The following ARHGAP42 variants were observed in gnomAD, a reference collection of about 807,000 sequenced individuals.
ARHGAP42 encodes rho GTPase-activating protein 42.
Under a neutral mutation model 125.0 loss-of-function variants are expected in ARHGAP42, and 63 were observed. The ratio of observed to expected loss-of-function variants is 0.50; its 90% CI spans 0.41 to 0.62. The LOEUF (loss-of-function observed/expected upper bound fraction) is 0.62. ARHGAP42 is among the 20% of genes least tolerant of loss of function. The pLI, the probability that ARHGAP42 is intolerant of heterozygous loss-of-function variation, is 0.00. For synonymous variants in ARHGAP42, 339 were observed against 351.0 expected, an observed-to-expected ratio of 0.97 and a Z score of 0.38; for missense variants, 766 against 1,024.2, an observed-to-expected ratio of 0.75 and a Z score of 3.44.
At chr11:100,916,759 A>G (rs1177037923) in intron 5 of ARHGAP42, among the ~76,000 whole-genome samples, 1 of 152,216 alleles carries the variant, frequency 6.6e-6, no homozygotes, top group Non-Finnish European at 1.5e-5. Flanking sequence ...AGATGAGCAC[A>G]AAAATTGTGT....
At chr11:100,987,256 A>G (rs1477254390) in intron 22 of ARHGAP42, among the ~76,000 whole-genome samples, 1 of 152,160 alleles carries the variant, frequency 6.6e-6, no homozygotes, top group African/African-American at 2.4e-5. Context: ...ATATTGTTAT[A>G]AGCCAGGGAT....
chr11:100,731,951 T>A (rs1861966356), intron 1 of ARHGAP42, among the ~76,000 whole-genome samples: 1 of 151,814 alleles, frequency 6.6e-6, no homozygotes, highest in African/African-American at 2.4e-5. Flanking sequence ...ACTCTTTTTT[T>A]TTTCTTTTTC....
At chr11:100,733,710 A>C (rs1044424160) in intron 1 of ARHGAP42, among the ~76,000 whole-genome samples, 2 of 150,710 alleles carry the variant, frequency 1.3e-5, no homozygotes, top group Non-Finnish European at 3.0e-5. Context: ...CTGTGATCCC[A>C]GCCTCTTGGG....
At chr11:100,819,179 T>C (rs774849431) in intron 3 of ARHGAP42, among the ~76,000 whole-genome samples, 14 of 152,174 alleles carry the variant, frequency 9.2e-5, no homozygotes, top group Non-Finnish European at 1.3e-4. Context: ...AATAAAGGTA[T>C]ACAGAACGGA....
At chr11:100,752,489 G>A (rs2088953) in intron 1 of ARHGAP42, among the ~76,000 whole-genome samples, 38,463 of 152,042 alleles carry the variant, frequency 0.25, 5,089 homozygotes, top group Non-Finnish European at 0.29. Flanking sequence ...TTAATGTGGG[G>A]CACTCCCTCT....
chr11:100,717,741 C>T (rs1456159777), intron 1 of ARHGAP42, among the ~76,000 whole-genome samples: 1 of 148,176 alleles, frequency 6.7e-6, no homozygotes, highest in Non-Finnish European at 1.5e-5. Flanking sequence ...GCCTGGCCAA[C>T]ATGGTGAAAC....
chr11:100,824,131 A>G (rs1864459109), intron 3 of ARHGAP42, among the ~76,000 whole-genome samples: 1 of 152,162 alleles, frequency 6.6e-6, no homozygotes, highest in South Asian at 2.1e-4. Flanking sequence ...ATGCACTTGC[A>G]TATCCCCCAC....
At chr11:100,755,109 G>A (rs1438800157) in intron 1 of ARHGAP42, among the ~76,000 whole-genome samples, 3 of 152,180 alleles carry the variant, frequency 2.0e-5, no homozygotes, top group Non-Finnish European at 4.4e-5. Flanking sequence ...CAGGGGGTGT[G>A]GGTGGCAGAT....
chr11:100,992,862 G>GT lies in ARHGAP42; in HGVS notation c.*4061_*4062insT. The GT allele has an allele frequency of 7.2e-6, 4 of 554,958 alleles. No homozygotes were observed. The highest frequency in any genetic ancestry group is 3.4e-5 in the African/African-American group (1 of 29,346). The allele number at this position is 554,958 out of a possible 1,614,324, so 34.4% of individuals were successfully genotyped here. A position where few individuals can be genotyped will look rare whatever the true frequency, so the allele number is the denominator to read the frequency against. ...GCATGTCCTAGACCAATGATTACAA[G>GT]GTGTCTGTGGTTTAGGGGGCCCAGC... On this transcript the variant is annotated 3_prime_UTR_variant, in exon 24 of 24. Transcript: ENST00000298815.
At position 100,976,249 on chromosome 11, in the gene ARHGAP42, G is replaced by T. The variant is rs1262076299; in HGVS notation, c.2048G>T (p.Ser683Ile). Residue 683 changes from serine (S) to isoleucine (I), a missense_variant, in exon 20 of 24, where the codon AGT (serine) becomes ATT (isoleucine). Ser to Ile is a moderately radical substitution (Grantham distance 142). Around this residue, in one of 3 missense-constraint regions of ARHGAP42, gnomAD observed 308 missense variants for 369.7 expected, o/e 0.83. Transcript: ENST00000298815. The part of the protein sequence containing the change: ...GQKSLGLWTT[S>I]PESSSREDAT... ...AAAAGCCTTGGTCTGTGGACAACTA[G>T]TCCTGAATCAAGTTCCAGAGAAGAT... 6.4e-7 allele frequency: 1 copy of T among 1,551,686 alleles called. No individual in the cohort carries two copies. The highest frequency in any genetic ancestry group is 1.2e-5 in the South Asian group (1 of 84,036).
rs114382902 is a variant in ARHGAP42 at position 100,734,595 on chromosome 11, A to G, written c.155-35748A>G. Among the ~76,000 whole-genome samples, 393 of 152,330 alleles carry G rather than the reference A, an allele frequency of 2.6e-3. 3 individuals are homozygous for G. Among genetic ancestry groups the G allele is most frequent in the African/African-American group, 9.2e-3 (381 of 41,580 alleles). ...CACGCCCAACCAGAGTCCACTTGTT[A>G]TGCTAAAGGAGAGCTCTTCTGCAGG... On this transcript the variant is annotated intron_variant, in intron 1 of 23. Transcript: ENST00000298815.
chr11:100,895,539 G>A (rs1278080353), intron 4 of ARHGAP42, among the ~76,000 whole-genome samples: 3 of 150,468 alleles, frequency 2.0e-5, no homozygotes, highest in Non-Finnish European at 4.4e-5. Flanking sequence ...GATCAAGGGA[G>A]GAGGGTCAGA....
chr11:100,969,834 T>A (rs536385553), intron 17 of ARHGAP42, among the ~76,000 whole-genome samples: 1 of 152,318 alleles, frequency 6.6e-6, no homozygotes, highest in African/African-American at 2.4e-5. Flanking sequence ...TATTATCTAC[T>A]TTTTGCCTGG....
intron 1 of ARHGAP42, among the ~76,000 whole-genome samples, chr11:100,738,241 T>G (rs1470859093): frequency 6.6e-6 from 1 of 152,212 alleles, no homozygotes; most frequent in Non-Finnish European, 1.5e-5. Context: ...TTTACATATG[T>G]TTTCTCTCTT....
At chr11:100,843,319 A>G (rs1398148115) in intron 3 of ARHGAP42, among the ~76,000 whole-genome samples, 8 of 152,084 alleles carry the variant, frequency 5.3e-5, no homozygotes, top group Non-Finnish European at 1.5e-5. Flanking sequence ...TTGAAATGGT[A>G]ATAAAAAAAT....
intron 1 of ARHGAP42, among the ~76,000 whole-genome samples, chr11:100,767,305 G>C (rs191420978): frequency 4.5e-4 from 68 of 152,222 alleles, no homozygotes; most frequent in African/African-American, 1.3e-3. Flanking sequence ...GGGATACTGA[G>C]GTACAGAGAG....
chr11:100,727,460 C>T (rs1861880838), intron 1 of ARHGAP42, among the ~76,000 whole-genome samples: 1 of 152,096 alleles, frequency 6.6e-6, no homozygotes, highest in East Asian at 1.9e-4. Flanking sequence ...TCTTGGTGCC[C>T]TTCTGGATAA....
At chr11:100,983,420 T>C (rs191743482) in intron 22 of ARHGAP42, among the ~76,000 whole-genome samples, 207 of 152,270 alleles carry the variant, frequency 1.4e-3, no homozygotes, top group African/African-American at 4.8e-3. Context: ...AGCAATGATA[T>C]CTTAGGCTTC....
At chr11:100,891,133 A>G (rs1222250413) in intron 4 of ARHGAP42, among the ~76,000 whole-genome samples, 1 of 152,172 alleles carries the variant, frequency 6.6e-6, no homozygotes, top group African/African-American at 2.4e-5. Context: ...AAAGGGAAGC[A>G]TTGCCAAAAA....
Sources: allele counts gnomAD v4.1 joint callset (sites outside exome capture counted in the v4.1 genomes callset), GRCh38; gene constraint gnomAD v4.1.1; regional missense constraint gnomAD v4.1.1; transcripts MANE v1.5; gene names NCBI Gene and HGNC (gene_info 2026-07-23, HGNC 2026-07-21).